Variants in SNX30 observed in about 807,000 individuals in gnomAD.
SNX30 encodes sorting nexin family member 30, also known as sorting nexin-30.
SNX30 carries 24 observed loss-of-function variants against 46.4 expected under a neutral mutation model. That is an observed-to-expected ratio of 0.52 (90% CI 0.37 to 0.73). The LOEUF (loss-of-function observed/expected upper bound fraction) is 0.73. Among genes scored for constraint, SNX30 ranks in the 30% least tolerant of loss-of-function variants. The pLI is 0.00. For synonymous variants in SNX30, 189 were observed against 211.5 expected (o/e 0.89, Z 0.92); for missense variants, 533 against 555.7 (o/e 0.96, Z 0.41).
chr9:112,865,076 A>G (rs1260404692), intron 8 of SNX30, among the ~76,000 whole-genome samples: 31 of 100,056 alleles, frequency 3.1e-4, no homozygotes, highest in Admixed American at 2.1e-3. Context: ...CACACTACAC[A>G]CACACCACAC....
At position 112,804,818 on chromosome 9, in the gene SNX30, A is replaced by T. The variant is rs371639799; in HGVS notation, c.199A>T (p.Ser67Cys). The T allele has an allele frequency of 1.2e-6, 2 of 1,613,624 alleles. No individual in the cohort carries two copies. Among genetic ancestry groups the T allele is most frequent in the African/African-American group, 2.7e-5 (2 of 74,908 alleles). The part of the protein sequence containing the change: ...PNGGTPAGTS[S>C]PASSSSLLNR... ...CGGTGGTACTCCAGCAGGTACTTCAAGTCCAGCTTCTTCATCTTCCCTTCT... is the reference window on the plus strand; with the variant it reads ...CGGTGGTACTCCAGCAGGTACTTCATGTCCAGCTTCTTCATCTTCCCTTCT... Residue 67 changes from serine to cysteine, a missense_variant, in exon 2 of 9, where the codon AGT becomes TGT. This residue lies in a region of SNX30 where 191 missense variants were observed against 160.3 expected (regional missense o/e 1.19). Coordinates refer to ENST00000374232, the MANE Select transcript of SNX30 (RefSeq NM_001012994.2).
intron 1 of SNX30, among the ~76,000 whole-genome samples, chr9:112,770,772 C>T (rs546808421): frequency 3.9e-5 from 6 of 152,098 alleles, no homozygotes; most frequent in Non-Finnish European, 7.4e-5. Flanking sequence ...CCGAGGCAGG[C>T]GGATCACGAG....
chr9:112,759,906 C>T lies in SNX30; in HGVS notation c.156+8749C>T, dbSNP rs56327235. Among the ~76,000 whole-genome samples, 889 of 152,118 alleles carry T rather than the reference C, an allele frequency of 5.8e-3. 8 individuals carry two copies. The highest frequency in any genetic ancestry group is 0.02 in the African/African-American group (847 of 41,490). On this transcript the variant is annotated intron_variant, in intron 1 of 8. Transcript: ENST00000374232. The stretch of plus-strand genomic sequence containing the variant: ...TCACTGGGTTGATAGGAAGACCCAG[C>T]GAGTTCGTAGAGTAGTGGGTGATGT...
At chr9:112,760,165 A>T (rs1839414041) in intron 1 of SNX30, among the ~76,000 whole-genome samples, 1 of 152,178 alleles carries the variant, frequency 6.6e-6, no homozygotes, top group African/African-American at 2.4e-5. Flanking sequence ...AGTAGCAGGA[A>T]GTTGCTGTTA....
intron 1 of SNX30, among the ~76,000 whole-genome samples, chr9:112,762,458 A>G (rs990138767): frequency 1.3e-5 from 2 of 152,104 alleles, no homozygotes; most frequent in Non-Finnish European, 2.9e-5. Context: ...TTAATGGTCC[A>G]GTGAAGAAGA....
rs576395720 is a variant in SNX30 at position 112,860,617 on chromosome 9, C to T, written c.1102-3630C>T. 1.3e-3 allele frequency among the ~76,000 whole-genome samples: 200 copies of T among 152,300 alleles called. 1 individual carries two copies. Among genetic ancestry groups the T allele is most frequent in the African/African-American group, 4.4e-3 (181 of 41,564 alleles). On this transcript the variant is annotated intron_variant, in intron 7 of 8. Transcript: ENST00000374232. ...TCCCTTCTGGTGTTAGAGCCACAAC[C>T]CCAGTTCCAGGATGCCCAGTGCAAT... is the stretch of plus-strand genomic sequence containing the variant.
chr9:112,838,300 G>A (rs961176927), intron 5 of SNX30, among the ~76,000 whole-genome samples, 198 bp from the exon 6 acceptor site: 4 of 152,222 alleles, frequency 2.6e-5, no homozygotes, highest in African/African-American at 9.7e-5. Flanking sequence ...ATGGATTGAT[G>A]TAACATGAGC....
At chr9:112,758,329 G>A (rs1254547136) in intron 1 of SNX30, among the ~76,000 whole-genome samples, 6 of 151,574 alleles carry the variant, frequency 4.0e-5, no homozygotes, top group African/African-American at 9.7e-5. Flanking sequence ...CTCAAGTTGC[G>A]CTCTCTCTTT....
chr9:112,782,296 C>T (rs371702090), intron 1 of SNX30, among the ~76,000 whole-genome samples: 1 of 152,130 alleles, frequency 6.6e-6, no homozygotes, highest in Non-Finnish European at 1.5e-5. Flanking sequence ...TAACTCCTGA[C>T]CTCAGGTGGT....
chr9:112,763,237 G>A (rs1839473201), intron 1 of SNX30, among the ~76,000 whole-genome samples: 1 of 151,584 alleles, frequency 6.6e-6, no homozygotes, highest in Non-Finnish European at 1.5e-5. Context: ...GCATAATCTT[G>A]GCTCCTACAG....
At chr9:112,797,084 T>G (rs1588119717) in intron 1 of SNX30, among the ~76,000 whole-genome samples, 1 of 152,322 alleles carries the variant, frequency 6.6e-6, no homozygotes, top group Non-Finnish European at 1.5e-5. Flanking sequence ...CAAAGCGATA[T>G]TCAGAGGCCT....
chr9:112,819,652 T>A (rs1840462069), intron 3 of SNX30, among the ~76,000 whole-genome samples: 1 of 152,222 alleles, frequency 6.6e-6, no homozygotes, highest in Non-Finnish European at 1.5e-5. Flanking sequence ...TTCTTGGTTG[T>A]AACAGTTTGT....
rs940260673 is a variant in SNX30 at position 112,755,600 on chromosome 9, G to A, written c.156+4443G>A. Among the ~76,000 whole-genome samples, 4 of 151,900 alleles carry A rather than the reference G, an allele frequency of 2.6e-5. No homozygotes were observed. The East Asian group carries it at 7.7e-4, about 29-fold the overall frequency. On this transcript the variant is annotated intron_variant, in intron 1 of 8. Transcript: ENST00000374232. ...TAGGCTGTTCAATTGAGACTACCTT[G>A]AGCATTCCCCTGAATTAGTTAGGAT...
chr9:112,827,287 C>G lies in SNX30; in HGVS notation c.460-3438C>G, dbSNP rs568697188. ...TTTCAGCATATTAGCTAATTTAATC[C>G]TCATGACAACCCTGTGAAGTTGATG... is the stretch of plus-strand genomic sequence containing the variant. On this transcript the variant is annotated intron_variant, in intron 3 of 8. Transcript: ENST00000374232. Among the ~76,000 whole-genome samples, 4 of 152,280 alleles carry G rather than the reference C, an allele frequency of 2.6e-5. No individual in the cohort carries two copies. The South Asian group carries it at 8.3e-4, about 32-fold the overall frequency.
chr9:112,757,706 C>G (rs1839372817), intron 1 of SNX30, among the ~76,000 whole-genome samples: 1 of 152,190 alleles, frequency 6.6e-6, no homozygotes, highest in Non-Finnish European at 1.5e-5. Flanking sequence ...TCATTAACAA[C>G]TGACTATACC....
chr9:112,868,537 C>T (rs1167914141), intron 8 of SNX30, among the ~76,000 whole-genome samples: 7 of 152,206 alleles, frequency 4.6e-5, no homozygotes, highest in Non-Finnish European at 1.0e-4. Context: ...CTGAGCTTTA[C>T]AGACTAACAT....
At chr9:112,877,958 T>C (rs916943509), downstream of SNX30, 1 of 152,360 alleles carries the variant, frequency 6.6e-6, no homozygotes, top group Non-Finnish European at 1.5e-5. Context: ...CCTCAAGTGA[T>C]CTTCCTAGCT....
intron 2 of SNX30, among the ~76,000 whole-genome samples, chr9:112,807,052 C>CTTTTTTT (rs10554051): frequency 1.6e-5 from 1 of 63,028 alleles, no homozygotes; most frequent in Admixed American, 2.5e-4. Flanking sequence ...TCTTTTCTAT[C>CTTTTTTT]TTTTTTTTTT....
At chr9:112,811,488 G>A (rs1840318827) in intron 2 of SNX30, among the ~76,000 whole-genome samples, 1 of 152,138 alleles carries the variant, frequency 6.6e-6, no homozygotes, top group South Asian at 2.1e-4. Context: ...CCCAGTAGGT[G>A]GAGTGCCCTG....
Sources: allele counts gnomAD v4.1 joint callset (sites outside exome capture counted in the v4.1 genomes callset), GRCh38; gene constraint gnomAD v4.1.1; regional missense constraint gnomAD v4.1.1; transcripts MANE v1.5; gene names NCBI Gene and HGNC (gene_info 2026-07-23, HGNC 2026-07-21).